GRK5: variants seen among roughly 807,000 people sequenced by gnomAD.
GRK5 encodes the protein g protein-coupled receptor kinase GRK5.
A neutral mutation model predicts 78.4 loss-of-function variants in GRK5; 40 were observed. That is an observed-to-expected ratio of 0.51 (90% CI 0.40 to 0.66). The LOEUF (loss-of-function observed/expected upper bound fraction) is 0.66, where lower values mean the gene tolerates loss of function less well. Among genes scored for constraint, GRK5 ranks in the 30% least tolerant of loss-of-function variants. The pLI is 0.00. For missense variants in GRK5, 598 were observed against 759.9 expected, an observed-to-expected ratio of 0.79 and a Z score of 2.50; for synonymous variants, 289 against 296.8, an observed-to-expected ratio of 0.97 and a Z score of 0.27.
Position 119,231,364 on chromosome 10 carries a change from TA to T in GRK5, c.52+23401del, listed in dbSNP as rs1040153090. Among the ~76,000 whole-genome samples, 5 of 151,604 alleles carry T rather than the reference TA, an allele frequency of 3.3e-5. No individual in the cohort carries two copies. The South Asian group carries it at 8.3e-4, about 25-fold the overall frequency. ...ATAACTTATAGAAAAATTAAAAAAT[TA>T]AAAAACATCTAAACATAAAAAAAGA... On this transcript the variant is annotated intron_variant, in intron 1 of 15. Coordinates refer to ENST00000392870, the MANE Select transcript of GRK5 (RefSeq NM_005308.3).
intron 1 of GRK5, among the ~76,000 whole-genome samples, chr10:119,315,583 C>T (rs1466803249): frequency 1.3e-5 from 2 of 152,368 alleles, no homozygotes; most frequent in East Asian, 3.9e-4. Context: ...AGAACACCCA[C>T]AGCCTCCCCA....
rs1002302865 is a variant in GRK5 at position 119,248,707 on chromosome 10, TA to T, written c.52+40748del. Among the ~76,000 whole-genome samples the T allele has an allele frequency of 1.7e-3, 245 of 148,416 alleles. 4 individuals are homozygous for T. Among genetic ancestry groups the T allele is most frequent in the Middle Eastern group, 0.01 (3 of 290 alleles). ...ACTGATTTTTTCATTTTTAAATGGT[TA>T]AAAAAAAAAGGTAAGTATTTCCTAA... On this transcript the variant is annotated intron_variant, in intron 1 of 15. Transcript: ENST00000392870.
intron 1 of GRK5, among the ~76,000 whole-genome samples, chr10:119,280,848 C>T (rs749853488): frequency 4.7e-4 from 71 of 150,394 alleles, no homozygotes; most frequent in Non-Finnish European, 9.4e-4. Flanking sequence ...GGCCCAATCC[C>T]AGCTCACTGC....
Position 119,401,098 on chromosome 10 carries a change from G to A in GRK5, c.339+4326G>A, listed in dbSNP as rs1358140386. On this transcript the variant is annotated intron_variant, in intron 4 of 15. Coordinates refer to ENST00000392870, the MANE Select transcript of GRK5 (RefSeq NM_005308.3). The stretch of plus-strand genomic sequence containing the variant: ...GTTGGTTGGAATGAAACACTGAGGG[G>A]AGCTCTGGAAGCTGCCCTCCATGGG... Among the ~76,000 whole-genome samples the A allele has an allele frequency of 3.9e-5, 6 of 152,282 alleles. No homozygotes were observed. The South Asian group carries it at 1.0e-3, about 26-fold the overall frequency.
chr10:119,294,316 C>A (rs1463698921), intron 1 of GRK5, among the ~76,000 whole-genome samples: 2 of 152,108 alleles, frequency 1.3e-5, no homozygotes, highest in East Asian at 1.9e-4. Flanking sequence ...GGTGCTCTTG[C>A]GGGTGAGGAC....
intron 3 of GRK5, among the ~76,000 whole-genome samples, chr10:119,388,412 C>A (rs982195004): frequency 5.9e-5 from 9 of 152,254 alleles, no homozygotes; most frequent in African/African-American, 1.9e-4. Flanking sequence ...CCTCAGCTCA[C>A]TGTAACCTCC....
intron 1 of GRK5, among the ~76,000 whole-genome samples, chr10:119,283,816 C>G (rs1849802825): frequency 6.6e-6 from 1 of 152,192 alleles, no homozygotes; most frequent in African/African-American, 2.4e-5. Context: ...CCCTTCAAAG[C>G]CTAAATTGGG....
intron 4 of GRK5, among the ~76,000 whole-genome samples, chr10:119,422,352 G>C (rs531206619): frequency 1.3e-5 from 2 of 152,346 alleles, no homozygotes; most frequent in African/African-American, 4.8e-5. Context: ...AACAACGGTG[G>C]TGACATTTAT....
chr10:119,425,979 G>A (rs1852670511), intron 6 of GRK5, among the ~76,000 whole-genome samples: 1 of 152,214 alleles, frequency 6.6e-6, no homozygotes, highest in African/African-American at 2.4e-5. Flanking sequence ...TTGCAGAGCG[G>A]GGCGATGCCT....
At chr10:119,275,602 C>CTG (rs1554901467) in intron 1 of GRK5, among the ~76,000 whole-genome samples, 1 of 136,428 alleles carries the variant, frequency 7.3e-6, no homozygotes, top group Non-Finnish European at 1.6e-5. Context: ...CTCTCTCTCT[C>CTG]TCTCTCTCTC....
At chr10:119,268,724 A>G (rs1849539911) in intron 1 of GRK5, among the ~76,000 whole-genome samples, 1 of 152,216 alleles carries the variant, frequency 6.6e-6, no homozygotes, top group African/African-American at 2.4e-5. Flanking sequence ...CAATGTCATC[A>G]CTATCATTCT....
At chr10:119,409,063 T>C (rs1399463181) in intron 4 of GRK5, among the ~76,000 whole-genome samples, 1 of 152,136 alleles carries the variant, frequency 6.6e-6, no homozygotes, top group African/African-American at 2.4e-5. Flanking sequence ...CCGGAGGCGG[T>C]GTCGGGCTGA....
chr10:119,415,112 A>G (rs1388231948), intron 4 of GRK5, among the ~76,000 whole-genome samples: 1 of 151,764 alleles, frequency 6.6e-6, no homozygotes, highest in Admixed American at 6.6e-5. Flanking sequence ...AAGAAAAAGA[A>G]AAAAGAAATG....
intron 10 of GRK5, 98 bp downstream of exon 10, chr10:119,439,866 CA>C: frequency 9.0e-7 from 1 of 1,110,408 alleles, no homozygotes; most frequent in South Asian, 1.3e-5. Flanking sequence ...GGAAGCTGAC[CA>C]CGGGCCCCAC....
Position 119,455,071 on chromosome 10 carries a change from C to G in GRK5, c.*4C>G. The G allele has an allele frequency of 6.2e-7, 1 of 1,609,060 alleles. No individual in the cohort carries two copies. The highest frequency in any genetic ancestry group is 8.5e-7 in the Non-Finnish European group (1 of 1,175,418). On this transcript the variant is annotated 3_prime_UTR_variant, in exon 16 of 16. Transcript: ENST00000392870. ...GAACTCCACCGGAAGCAGCTAGTTTCGGCTCTGGCCTCCAAGTCCACAGTG... is the reference window on the plus strand; with the variant it reads ...GAACTCCACCGGAAGCAGCTAGTTTGGGCTCTGGCCTCCAAGTCCACAGTG...
intron 1 of GRK5, among the ~76,000 whole-genome samples, chr10:119,286,601 A>G (rs959127647): frequency 6.6e-6 from 1 of 152,196 alleles, no homozygotes; most frequent in Admixed American, 6.5e-5. Context: ...TCAATTTGCT[A>G]TAATTTGAAG....
At chr10:119,236,649 C>CT (rs1483174873) in intron 1 of GRK5, among the ~76,000 whole-genome samples, 2 of 151,692 alleles carry the variant, frequency 1.3e-5, no homozygotes, top group Admixed American at 6.6e-5. Context: ...TAATTTTTTT[C>CT]TTTTTTTTGA....
chr10:119,258,212 C>T (rs563454159), intron 1 of GRK5, among the ~76,000 whole-genome samples: 2 of 152,238 alleles, frequency 1.3e-5, no homozygotes, highest in Admixed American at 1.3e-4. Flanking sequence ...CCGAGTGTAG[C>T]CTTTTGAGTC....
At chr10:119,384,066 C>G (rs900179916) in intron 3 of GRK5, among the ~76,000 whole-genome samples, 3 of 152,172 alleles carry the variant, frequency 2.0e-5, no homozygotes, top group Non-Finnish European at 4.4e-5. Flanking sequence ...TTGGCCTTCC[C>G]GGAGTCTTTC....
Sources: allele counts gnomAD v4.1 joint callset (sites outside exome capture counted in the v4.1 genomes callset), GRCh38; gene constraint gnomAD v4.1.1; transcripts MANE v1.5; gene names NCBI Gene and HGNC (gene_info 2026-07-23, HGNC 2026-07-21).